The following FMNL2 variants were observed in gnomAD, a reference collection of about 807,000 sequenced individuals.
FMNL2 encodes formin like 2, also known as formin-like protein 2.
In FMNL2, 51 loss-of-function variants were observed where a neutral mutation model predicts 130.2. The observed-to-expected ratio is 0.39, with a 90% confidence interval of 0.31 to 0.49. FMNL2 has a LOEUF of 0.49. Ranked by LOEUF, FMNL2 falls within the 20% of genes least tolerant of loss-of-function variation. The pLI, the probability that FMNL2 is intolerant of heterozygous loss-of-function variation, is 0.85. For missense variants in FMNL2, 977 were observed against 1,316.2 expected (o/e 0.74, Z 3.99); for synonymous variants, 465 against 467.1 (o/e 1.00, Z 0.06).
At chr2:152,366,327 T>C (rs138706800) in intron 1 of FMNL2, among the ~76,000 whole-genome samples, 11,266 of 148,674 alleles carry the variant, frequency 0.076, 501 homozygotes, top group African/African-American at 0.097. Context: ...TCAGGAGATA[T>C]ACCTAATGCT....
chr2:152,444,744 A>G (rs1239910557), intron 1 of FMNL2, among the ~76,000 whole-genome samples: 3 of 152,222 alleles, frequency 2.0e-5, no homozygotes, highest in Admixed American at 6.5e-5. Flanking sequence ...GATCAGTTCA[A>G]TAATGGTATT....
intron 9 of FMNL2, among the ~76,000 whole-genome samples, chr2:152,601,303 C>CTTT (rs10567754): frequency 8.8e-4 from 118 of 134,732 alleles, no homozygotes; most frequent in Middle Eastern, 4.0e-3. Context: ...TTTCTTTTTT[C>CTTT]TTTTTTTTTT....
intron 1 of FMNL2, among the ~76,000 whole-genome samples, chr2:152,482,907 TC>T (rs1690610719): frequency 6.6e-6 from 1 of 152,178 alleles, no homozygotes. Flanking sequence ...AACTTTTTTT[TC>T]CTAGGCCTCT....
chr2:152,627,984 A>C (rs955701428), intron 17 of FMNL2, among the ~76,000 whole-genome samples: 3 of 152,146 alleles, frequency 2.0e-5, no homozygotes, highest in Non-Finnish European at 4.4e-5. Context: ...CCTTGGTTCT[A>C]CCTCTTCCTA....
intron 1 of FMNL2, among the ~76,000 whole-genome samples, chr2:152,420,038 TA>T (rs1686827154): frequency 6.6e-6 from 1 of 152,174 alleles, no homozygotes; most frequent in African/African-American, 2.4e-5. Flanking sequence ...GAGAATAATT[TA>T]AAAACTTGTC....
intron 14 of FMNL2, 54 bp downstream of exon 14, chr2:152,619,212 CT>C: frequency 1.3e-6 from 2 of 1,494,256 alleles, no homozygotes; most frequent in East Asian, 2.3e-5. Context: ...TGTATTTCTT[CT>C]TTTGCCAACT....
intron 4 of FMNL2, among the ~76,000 whole-genome samples, chr2:152,558,055 C>G (rs1695323453): frequency 6.6e-6 from 1 of 152,156 alleles, no homozygotes; most frequent in Non-Finnish European, 1.5e-5. Context: ...TAAGCATTCT[C>G]CATGCACTGT....
intron 1 of FMNL2, among the ~76,000 whole-genome samples, chr2:152,508,596 T>C (rs1475392027): frequency 1.3e-5 from 2 of 152,230 alleles, no homozygotes; most frequent in African/African-American, 4.8e-5. Flanking sequence ...GGAGTTGTTA[T>C]AGAATGTAAG....
chr2:152,363,465 G>C (rs4293523), intron 1 of FMNL2, among the ~76,000 whole-genome samples: 15,629 of 152,196 alleles, frequency 0.1, 2,176 homozygotes, highest in East Asian at 0.68. Context: ...AACAATTTAT[G>C]ATCTCTCTTT....
intron 1 of FMNL2, among the ~76,000 whole-genome samples, chr2:152,482,228 C>T (rs530727024): frequency 1.3e-5 from 2 of 152,166 alleles, no homozygotes; most frequent in South Asian, 2.1e-4. Flanking sequence ...TTAAAAAATA[C>T]TTAAGTCTAC....
intron 1 of FMNL2, among the ~76,000 whole-genome samples, chr2:152,357,770 A>T (rs1442912472): frequency 6.6e-6 from 1 of 152,248 alleles, no homozygotes; most frequent in Non-Finnish European, 1.5e-5. Context: ...AAATGTTGCA[A>T]CCAGAGGCTC....
chr2:152,429,753 A>G (rs1687398947), intron 1 of FMNL2, among the ~76,000 whole-genome samples: 1 of 152,136 alleles, frequency 6.6e-6, no homozygotes, highest in Non-Finnish European at 1.5e-5. Context: ...TTGACACAGT[A>G]TGATGGGGAT....
intron 4 of FMNL2, among the ~76,000 whole-genome samples, chr2:152,551,870 G>C (rs1255102435): frequency 6.6e-6 from 1 of 152,116 alleles, no homozygotes; most frequent in Non-Finnish European, 1.5e-5. Flanking sequence ...TAAAATATTA[G>C]CCAGTCACAA....
In FMNL2 at chr2:152,497,340, T is replaced by G. The variant is rs566990829; in HGVS notation, c.118-24603T>G. Among the ~76,000 whole-genome samples the G allele has an allele frequency of 3.3e-5, 5 of 150,396 alleles. No individual in the cohort carries two copies. In the South Asian group the frequency reaches 1.0e-3, roughly 31 times the overall value. On this transcript the variant is annotated intron_variant, in intron 1 of 25. Transcript: ENST00000288670. ...TTTTTTTTTGTTTTTAGTGTTAGAA[T>G]AGAGTACTGTTTTCTAAAGTTATTT... is the stretch of plus-strand genomic sequence containing the variant.
chr2:152,520,382 G>A (rs1249054883), intron 1 of FMNL2, among the ~76,000 whole-genome samples: 1 of 151,934 alleles, frequency 6.6e-6, no homozygotes, highest in African/African-American at 2.4e-5. Context: ...TCATCCAGGG[G>A]TCAGGAGTTC....
intron 1 of FMNL2, among the ~76,000 whole-genome samples, chr2:152,436,114 C>T (rs377024838): frequency 2.6e-5 from 4 of 152,020 alleles, no homozygotes; most frequent in African/African-American, 7.2e-5. Flanking sequence ...ATTGCAATCC[C>T]GTGCTTGATA....
In FMNL2 at chr2:152,618,994, A is replaced by G. The variant is rs1374195603; in HGVS notation, c.1463A>G (p.Asp488Gly). 2 of 1,614,064 alleles carry G rather than the reference A, an allele frequency of 1.2e-6. No individual in the cohort carries two copies. The highest frequency in any genetic ancestry group is 3.3e-5 in the Admixed American group (2 of 60,028). Reference sequence around the variant, plus strand: ...ACCATTAAAATTCAGAAGAAAGGGGATGGGGATATCGCCATACTGCCAGTT... The same window carrying G: ...ACCATTAAAATTCAGAAGAAAGGGGGTGGGGATATCGCCATACTGCCAGTT... ...QGTIKIQKKGDGDIAILPVVA... is the reference protein window; with the variant it reads ...QGTIKIQKKGGGDIAILPVVA... Residue 488 changes from aspartate to glycine, a missense_variant, in exon 14 of 26, where the codon GAT becomes GGT. Physicochemically the swap from Asp to Gly is moderately conservative, Grantham distance 94 (BLOSUM62 -1). Around this residue, in one of 4 missense-constraint regions of FMNL2, gnomAD observed 689 missense variants for 995.9 expected, o/e 0.69. Transcript: ENST00000288670.
intron 2 of FMNL2, among the ~76,000 whole-genome samples, chr2:152,522,868 T>C (rs1447576569): frequency 1.3e-5 from 2 of 152,214 alleles, no homozygotes; most frequent in Non-Finnish European, 2.9e-5. Flanking sequence ...TTTGAATAGC[T>C]GTTATATGAT....
rs1694009030 is a variant in FMNL2, at chr2:152,536,664, C to T, written c.202-6075C>T. On this transcript the variant is annotated intron_variant, in intron 2 of 25. Coordinates refer to ENST00000288670, the MANE Select transcript of FMNL2 (RefSeq NM_052905.4). ...CAGTTTATGTAGCTCTGCTAATACA[C>T]CACTGAAATAGAGCCAGTGACTGTG... Among the ~76,000 whole-genome samples, 3 of 152,320 alleles carry T rather than the reference C, an allele frequency of 2.0e-5. No individual in the cohort carries two copies. In the South Asian group the frequency reaches 6.2e-4, roughly 32 times the overall value.
Sources: gnomAD v4.1 joint callset for allele counts (sites outside exome capture counted in the v4.1 genomes callset) on GRCh38, gnomAD v4.1.1 for gene constraint, gnomAD v4.1.1 regional missense constraint, MANE v1.5 for transcripts, NCBI Gene and HGNC (gene_info 2026-07-23, HGNC 2026-07-21) for gene names.